Variants in SHC2 observed in about 807,000 individuals in gnomAD.
SHC2 encodes SHC adaptor protein 2.
Under a neutral mutation model 60.6 loss-of-function variants are expected in SHC2, and 62 were observed. That is an observed-to-expected ratio of 1.02 (90% CI 0.83 to 1.26). SHC2 has a LOEUF of 1.26. Ranked by LOEUF, SHC2 falls within the 50% of genes most tolerant of loss-of-function variation. SHC2 has a pLI of 0.00. For missense variants in SHC2, 873 were observed against 822.2 expected (o/e 1.06, Z -0.76); for synonymous variants, 375 against 372.4 (o/e 1.01, Z -0.08).
Position 453,150 on chromosome 19 carries a change from TC to T in SHC2, c.468+7378del, listed in dbSNP as rs1258061040. 4 of 152,068 alleles carry T rather than the reference TC, an allele frequency of 2.6e-5. No homozygotes were observed. Among genetic ancestry groups the T allele is most frequent in the Non-Finnish European group, 5.9e-5 (4 of 68,038 alleles). 9.4% of individuals were successfully genotyped at this position (152,068 alleles called of 1,614,324 possible). A position where few individuals can be genotyped will look rare whatever the true frequency, so the allele number is the denominator to read the frequency against. ...GATGGGAGAGACTGTGGTCACACCG[TC>T]CTGAAAACAGCCCAATGTTGTCTGG... is the stretch of plus-strand genomic sequence containing the variant. On this transcript the variant is annotated intron_variant, in intron 1 of 12. Coordinates refer to ENST00000264554, the MANE Select transcript of SHC2 (RefSeq NM_012435.3). This position sits in a 1 kb window ranked among gnomAD's most constrained non-coding sequence, Gnocchi z 6.3.
intron 9 of SHC2, among the ~76,000 whole-genome samples, chr19:427,298 G>A (rs937318161): frequency 5.3e-5 from 8 of 152,360 alleles, no homozygotes; most frequent in African/African-American, 1.9e-4. Context: ...GACTGGCACC[G>A]CCGGTAACGT....
chr19:435,023 T>C (rs1007275456), intron 7 of SHC2, among the ~76,000 whole-genome samples, 158 bp from the exon 8 acceptor site: 4 of 152,198 alleles, frequency 2.6e-5, no homozygotes, highest in African/African-American at 9.7e-5. Flanking sequence ...CTAGAGCCAG[T>C]GACCAGGCCC....
Position 446,496 on chromosome 19 carries a change from A to C in SHC2, c.469-5564T>G, listed in dbSNP as rs951810926. ...CGGCTAATTTTTGTATTTTTAGTAG[A>C]GACGGGGTTTCATCATATTGGCCTC... On this transcript the variant is annotated intron_variant, in intron 1 of 12. Transcript: ENST00000264554. This position sits in a 1 kb window ranked among gnomAD's most constrained non-coding sequence, Gnocchi z 5.4. Among the ~76,000 whole-genome samples, 1 of 151,896 alleles carries C rather than the reference A, an allele frequency of 6.6e-6. No homozygotes were observed. The highest frequency in any genetic ancestry group is 2.4e-5 in the African/African-American group (1 of 41,354).
At chr19:431,101 CG>C in intron 8 of SHC2, among the ~76,000 whole-genome samples, 1 of 146,364 alleles carries the variant, frequency 6.8e-6, no homozygotes, top group East Asian at 2.1e-4. Flanking sequence ...GGAAGGCCTC[CG>C]GACCGCCCTA....
At chr19:418,558 C>T (rs1056070548) in intron 12 of SHC2, among the ~76,000 whole-genome samples, 3 of 152,198 alleles carry the variant, frequency 2.0e-5, no homozygotes, top group African/African-American at 7.2e-5. Flanking sequence ...CGGGCCACGG[C>T]GCAATGCCCC....
At position 422,707 on chromosome 19, in the gene SHC2, C is replaced by T. The variant is rs967348141; in HGVS notation, c.1310-251G>A. The T allele has an allele frequency of 2.3e-6, 1 of 425,882 alleles. No individual in the cohort carries two copies. The highest frequency in any genetic ancestry group is 4.1e-6 in the Non-Finnish European group (1 of 241,746). 26.4% of individuals were successfully genotyped at this position (425,882 alleles called of 1,614,324 possible). The stretch of plus-strand genomic sequence containing the variant: ...CGTACTAAGCATGTACAAAGGGTAA[C>T]AGCAGCTCTTTCTTTCAGAGGTTAA... On this transcript the variant is annotated intron_variant, in intron 10 of 12. Transcript: ENST00000264554. This position sits in a 1 kb window ranked among gnomAD's most constrained non-coding sequence, Gnocchi z 5.0.
rs996976747 is a variant in SHC2 at position 422,683 on chromosome 19, G to A, written c.1310-227C>T. ...TCCCCAGGTTGGGTTTTCTAGGCAC[G>A]TACTAAGCATGTACAAAGGGTAACA... On this transcript the variant is annotated intron_variant, in intron 10 of 12. Transcript: ENST00000264554. The surrounding 1 kb of genome is among the most constrained non-coding windows in gnomAD (Gnocchi z 5.0). 14 of 505,758 alleles carry A rather than the reference G, an allele frequency of 2.8e-5. No individual in the cohort carries two copies. The highest frequency in any genetic ancestry group is 7.3e-5 in the Admixed American group (2 of 27,568). The allele number at this position is 505,758 out of a possible 1,614,324, so 31.3% of individuals were successfully genotyped here. A position where few individuals can be genotyped will look rare whatever the true frequency, so the allele number is the denominator to read the frequency against.
At chr19:447,486 A>C (rs1975079150) in intron 1 of SHC2, among the ~76,000 whole-genome samples, 1 of 152,218 alleles carries the variant, frequency 6.6e-6, no homozygotes, top group African/African-American at 2.4e-5. Context: ...TTTTTCAAAA[A>C]TTTGCATGAG....
At chr19:460,074 G>A (rs1224588166) in intron 1 of SHC2, among the ~76,000 whole-genome samples, 3 of 152,232 alleles carry the variant, frequency 2.0e-5, no homozygotes, top group South Asian at 4.1e-4. Flanking sequence ...AGTCCCTGCT[G>A]CCTCCCATCT....
At chr19:452,291 C>T (rs1234741047) in intron 1 of SHC2, among the ~76,000 whole-genome samples, 3 of 105,284 alleles carry the variant, frequency 2.8e-5, no homozygotes, top group Non-Finnish European at 5.7e-5. Flanking sequence ...GTTGGGGCAT[C>T]GTACTGACTT....
chr19:430,628 G>T (rs1033400420), intron 9 of SHC2, 56 bp downstream of exon 9: 5 of 1,455,326 alleles, frequency 3.4e-6, no homozygotes, highest in Non-Finnish European at 4.8e-6. Flanking sequence ...CACAGGACAG[G>T]GCTGAGGAGC....
intron 11 of SHC2, among the ~76,000 whole-genome samples, chr19:421,289 A>C (rs1974262656): frequency 6.6e-6 from 1 of 151,714 alleles, no homozygotes; most frequent in Non-Finnish European, 1.5e-5. Flanking sequence ...AATCCTAGGT[A>C]CTGGGGAAGC....
intron 1 of SHC2, among the ~76,000 whole-genome samples, chr19:459,983 C>A (rs1240413441): frequency 1.3e-5 from 2 of 152,218 alleles, no homozygotes; most frequent in African/African-American, 4.8e-5. Context: ...AGGCGCCCGA[C>A]TTCCCCGTGT....
chr19:421,125 G>A (rs987281444), intron 11 of SHC2, among the ~76,000 whole-genome samples: 3 of 151,932 alleles, frequency 2.0e-5, no homozygotes, highest in Admixed American at 1.3e-4. Context: ...AGGGCCGGGC[G>A]CAGTGGCTCA....
In SHC2 at chr19:440,952, G is replaced by A; in HGVS notation, c.469-20C>T. The A allele has an allele frequency of 6.2e-7, 1 of 1,608,268 alleles. No individual in the cohort carries two copies. On this transcript the variant is annotated intron_variant, in intron 1 of 12. Coordinates refer to ENST00000264554, the MANE Select transcript of SHC2 (RefSeq NM_012435.3). This position sits in a 1 kb window ranked among gnomAD's most constrained non-coding sequence, Gnocchi z 7.0. ...CATGTACTGAGGGGAGAGAACAGGT[G>A]TCAGATGCCATCGGAACCCCCGCAG...
intron 8 of SHC2, among the ~76,000 whole-genome samples, chr19:431,089 A>G (rs1974575549): frequency 6.8e-6 from 1 of 147,952 alleles, no homozygotes; most frequent in African/African-American, 2.5e-5. Context: ...CCGCTTCCTC[A>G]GGGAAGGCCT....
intron 1 of SHC2, among the ~76,000 whole-genome samples, chr19:452,858 G>A (rs1256628657): frequency 6.6e-6 from 1 of 152,170 alleles, no homozygotes; most frequent in Non-Finnish European, 1.5e-5. Context: ...GGTGGGGCTC[G>A]AGAATCAGCA....
rs1482383216 is a variant in SHC2 at position 458,501 on chromosome 19, T to C, written c.468+2028A>G. On this transcript the variant is annotated intron_variant, in intron 1 of 12. Coordinates refer to ENST00000264554, the MANE Select transcript of SHC2 (RefSeq NM_012435.3). ...TGTTCCGGGGGACGGGGAAGCAGGT[T>C]CCGGGGAGGCGGAAGCGGGTCCTGG... is the stretch of plus-strand genomic sequence containing the variant. Among the ~76,000 whole-genome samples, 86 of 109,850 alleles carry C rather than the reference T, an allele frequency of 7.8e-4. 4 individuals carry two copies. The highest frequency in any genetic ancestry group is 2.9e-3 in the African/African-American group (81 of 28,132). The allele number at this position is 109,850 out of a possible 152,430, so 72.1% of individuals were successfully genotyped here.
In SHC2 at chr19:430,886, T is replaced by A. The variant is rs553010788; in HGVS notation, c.1111-139A>T. 5 of 745,036 alleles carry A rather than the reference T, an allele frequency of 6.7e-6. No homozygotes were observed. The East Asian group carries it at 1.4e-4, about 21-fold the overall frequency. The allele number at this position is 745,036 out of a possible 1,614,324, so 46.2% of individuals were successfully genotyped here. A position where few individuals can be genotyped will look rare whatever the true frequency, so the allele number is the denominator to read the frequency against. On this transcript the variant is annotated intron_variant, in intron 8 of 12. Coordinates refer to ENST00000264554, the MANE Select transcript of SHC2 (RefSeq NM_012435.3). ...AGCACAGCCCTGGCCCTCCCATTGC[T>A]CTCTCACTCTGTAACTAGGCCCCCT...
Sources: allele counts gnomAD v4.1 joint callset (sites outside exome capture counted in the v4.1 genomes callset), GRCh38; gene constraint gnomAD v4.1.1; non-coding constraint Gnocchi (gnomAD v3.1); transcripts MANE v1.5; gene names NCBI Gene and HGNC (gene_info 2026-07-23, HGNC 2026-07-21).